PANK2: variants seen among roughly 807,000 people sequenced by gnomAD.
PANK2 encodes pantothenate kinase 2, mitochondrial.
In PANK2, 36 loss-of-function variants were observed where a neutral mutation model predicts 43.1. The ratio of observed to expected loss-of-function variants is 0.84; its 90% confidence interval spans 0.64 to 1.10. The LOEUF (loss-of-function observed/expected upper bound fraction) is 1.10. Among genes scored for constraint, PANK2 ranks in the 50% least tolerant of loss-of-function variants. PANK2 has a pLI of 0.00. For synonymous variants in PANK2, 281 were observed against 238.2 expected, an observed-to-expected ratio of 1.18 and a Z score of -1.66; for missense variants, 576 against 593.3, an observed-to-expected ratio of 0.97 and a Z score of 0.30.
intron 1 of PANK2, among the ~76,000 whole-genome samples, chr20:3,892,357 AAAAG>A (rs2090136565): frequency 6.6e-6 from 1 of 151,948 alleles, no homozygotes; most frequent in African/African-American, 2.4e-5. Flanking sequence ...AAAACAAAAA[AAAAG>A]GAGAAGCAGC....
intron 6 of PANK2, among the ~76,000 whole-genome samples, chr20:3,919,533 A>G (rs1329800391): frequency 2.0e-5 from 3 of 152,214 alleles, no homozygotes; most frequent in Non-Finnish European, 4.4e-5. Flanking sequence ...TCAGACTAGA[A>G]CCATACTATC....
At position 3,910,624 on chromosome 20, in the gene PANK2, C is replaced by G; in HGVS notation, c.699C>G (p.Ile233Met). 8 of 1,614,070 alleles carry G rather than the reference C, an allele frequency of 5.0e-6. No individual in the cohort carries two copies. The highest frequency in any genetic ancestry group is 5.9e-6 in the Non-Finnish European group (7 of 1,180,006). ...AACTGGATGAACTAGATTGCTTGAT[C>G]AAAGGAATTTTATACATTGACTCAG... Residue 233 changes from isoleucine (I) to methionine (M), a missense_variant, in exon 3 of 7, where the codon ATC (isoleucine) becomes ATG (methionine). Ile to Met is a conservative substitution (Grantham distance 10, BLOSUM62 1). Coordinates refer to ENST00000610179, the MANE Select transcript of PANK2 (RefSeq NM_001386393.1).
intron 6 of PANK2, among the ~76,000 whole-genome samples, chr20:3,920,977 G>T (rs548467107): frequency 6.6e-6 from 1 of 152,178 alleles, no homozygotes; most frequent in Admixed American, 6.5e-5. Flanking sequence ...TGGTCCATTT[G>T]TCCCTGTGTT....
intron 5 of PANK2, 89 bp from the exon 6 acceptor site, chr20:3,918,582 G>A: frequency 6.4e-7 from 1 of 1,555,632 alleles, no homozygotes; most frequent in Non-Finnish European, 8.9e-7. Context: ...GTTGCTAAGA[G>A]CTATGCACAT....
rs954173656 is a variant in PANK2 at position 3,928,523 on chromosome 20, C to CAA, written c.*5230_*5231dup. The CAA allele has an allele frequency of 1.3e-5, 2 of 152,122 alleles. No homozygotes were observed. The highest frequency in any genetic ancestry group is 4.8e-5 in the African/African-American group (2 of 41,424). The allele number at this position is 152,122 out of a possible 1,614,324, so 9.4% of individuals were successfully genotyped here. A position where few individuals can be genotyped will look rare whatever the true frequency, so the allele number is the denominator to read the frequency against. ...CTGTAATCCCAGCACTTTGGGAGGT[C>CAA]AAGGCAGGTGCATCACGAGGTCAGG... On this transcript the variant is annotated 3_prime_UTR_variant, in exon 7 of 7. Transcript: ENST00000610179.
chr20:3,910,788 C>G lies in PANK2; in HGVS notation c.863C>G (p.Ala288Gly). The change falls in exon 3 of 7, where the codon GCA becomes GGA. Residue 288 changes from alanine (A) to glycine (G), a missense_variant. Around this residue, in one of 2 missense-constraint regions of PANK2, gnomAD observed 544 missense variants for 528.9 expected, o/e 1.03. Transcript: ENST00000610179. Reference sequence around the variant, plus strand: ...ATTGGCTCAGGGGTTAGCATCTTAGCAGTATATTCCAAAGATAATTACAAA... The same window carrying G: ...ATTGGCTCAGGGGTTAGCATCTTAGGAGTATATTCCAAAGATAATTACAAA... 1.2e-6 allele frequency: 2 copies of G among 1,614,072 alleles called. No homozygotes were observed. The highest frequency in any genetic ancestry group is 1.7e-6 in the Non-Finnish European group (2 of 1,179,990).
chr20:3,889,013 C>T, upstream of PANK2: 1 of 1,078,296 alleles, frequency 9.3e-7, no homozygotes, highest in South Asian at 1.6e-5. Context: ...CACGGAGCAG[C>T]GGGGTGGGAC....
intron 1 of PANK2, among the ~76,000 whole-genome samples, 163 bp from the exon 2 acceptor site, chr20:3,907,763 G>A (rs1483481675): frequency 6.6e-6 from 1 of 151,734 alleles, no homozygotes; most frequent in African/African-American, 2.4e-5. Flanking sequence ...TTTAAGTTAT[G>A]CATCTAAATC....
Position 3,927,794 on chromosome 20 carries a change from G to C in PANK2, c.*4500G>C, listed in dbSNP as rs924038403. ...ATGCAGATCCACCAGGCTTGGGACT[G>C]GCAAAGGGAGCTGAGAAGAGAGTTC... On this transcript the variant is annotated 3_prime_UTR_variant, in exon 7 of 7. Transcript: ENST00000610179. 1 of 152,292 alleles carries C rather than the reference G, an allele frequency of 6.6e-6. No homozygotes were observed. Among genetic ancestry groups the C allele is most frequent in the African/African-American group, 2.4e-5 (1 of 41,466 alleles). 9.4% of individuals were successfully genotyped at this position (152,292 alleles called of 1,614,324 possible). A position where few individuals can be genotyped will look rare whatever the true frequency, so the allele number is the denominator to read the frequency against.
At chr20:3,892,025 T>G (rs576359834) in intron 1 of PANK2, among the ~76,000 whole-genome samples, 1 of 152,334 alleles carries the variant, frequency 6.6e-6, no homozygotes, top group African/African-American at 2.4e-5. Context: ...CTGTACTATC[T>G]AGGGGTGCCC....
chr20:3,913,851 T>G lies in PANK2; in HGVS notation c.1082+1217T>G, dbSNP rs763613002. 9.8e-3 allele frequency among the ~76,000 whole-genome samples: 1,478 copies of G among 150,194 alleles called. 8 individuals are homozygous for G. Among genetic ancestry groups the G allele is most frequent in the Middle Eastern group, 0.025 (7 of 282 alleles). On this transcript the variant is annotated intron_variant, in intron 4 of 6. Coordinates refer to ENST00000610179, the MANE Select transcript of PANK2 (RefSeq NM_001386393.1). ...TCGCCCAGGCTGGAGTGCAGTGGCG[T>G]GATCTCGGCTCACTGCAAGCTCTAG...
intron 1 of PANK2, among the ~76,000 whole-genome samples, chr20:3,894,973 G>C (rs886561031): frequency 6.6e-6 from 1 of 152,142 alleles, no homozygotes; most frequent in Non-Finnish European, 1.5e-5. Context: ...AGGAAGAGAT[G>C]TATGTTGTTA....
At chr20:3,905,865 G>A (rs1485676796) in intron 1 of PANK2, among the ~76,000 whole-genome samples, 1 of 151,182 alleles carries the variant, frequency 6.6e-6, no homozygotes, top group Non-Finnish European at 1.5e-5. Context: ...ACAGGTGCCC[G>A]CCACCACGCC....
At position 3,904,875 on chromosome 20, in the gene PANK2, C is replaced by G. The variant is rs142221824; in HGVS notation, c.299-3051C>G. Among the ~76,000 whole-genome samples, 35 of 152,248 alleles carry G rather than the reference C, an allele frequency of 2.3e-4. No individual in the cohort carries two copies. The East Asian group carries it at 6.2e-3, about 27-fold the overall frequency. The stretch of plus-strand genomic sequence containing the variant: ...TTCTAGTTTGTAAAAGTGATAATCT[C>G]TGGTTTGAGAATTCCTGTTCTTCTG... On this transcript the variant is annotated intron_variant, in intron 1 of 6. Transcript: ENST00000610179.
intron 1 of PANK2, among the ~76,000 whole-genome samples, chr20:3,906,981 T>G (rs1181456754): frequency 6.6e-6 from 1 of 152,062 alleles, no homozygotes; most frequent in Non-Finnish European, 1.5e-5. Context: ...GTATTTTTAG[T>G]AGAGATAGTT....
At chr20:3,900,744 C>G (rs1450504802) in intron 1 of PANK2, among the ~76,000 whole-genome samples, 1 of 151,656 alleles carries the variant, frequency 6.6e-6, no homozygotes. Flanking sequence ...TGCAGTCATT[C>G]CCATCATTTA....
At chr20:3,913,955 T>A (rs981337814) in intron 4 of PANK2, among the ~76,000 whole-genome samples, 15 of 150,008 alleles carry the variant, frequency 1.0e-4, no homozygotes, top group South Asian at 8.3e-4. Context: ...CGCCCGGCTA[T>A]TTTTTTTGTA....
chr20:3,895,389 C>T (rs796819928), intron 1 of PANK2, among the ~76,000 whole-genome samples: 9 of 151,208 alleles, frequency 6.0e-5, no homozygotes, highest in African/African-American at 1.5e-4. Context: ...TGCTTGAGCC[C>T]GGAGGATTGC....
upstream of PANK2, chr20:3,889,136 T>G: frequency 1.9e-6 from 3 of 1,563,938 alleles, no homozygotes; most frequent in Non-Finnish European, 2.6e-6. Flanking sequence ...CACGCGTCCA[T>G]TGGGCGGCGC....
Sources: allele counts gnomAD v4.1 joint callset (sites outside exome capture counted in the v4.1 genomes callset), GRCh38; gene constraint gnomAD v4.1.1; regional missense constraint gnomAD v4.1.1; transcripts MANE v1.5; gene names NCBI Gene and HGNC (gene_info 2026-07-23, HGNC 2026-07-21).